GLDC: variants seen among roughly 807,000 people sequenced by gnomAD.
GLDC encodes glycine dehydrogenase (decarboxylating), mitochondrial.
In GLDC, 104 loss-of-function variants were observed where a neutral mutation model predicts 121.3. The observed-to-expected ratio is 0.86, with a 90% confidence interval of 0.73 to 1.01. The LOEUF (loss-of-function observed/expected upper bound fraction) is 1.01, where lower values mean the gene tolerates loss of function less well. GLDC is among the 50% of genes least tolerant of loss of function. GLDC has a pLI of 0.00. For missense variants in GLDC, 1,429 were observed against 1,306.6 expected (o/e 1.09, Z -1.44); for synonymous variants, 546 against 480.6 (o/e 1.14, Z -1.78).
intron 3 of GLDC, 105 bp downstream of exon 3, chr9:6,620,079 G>A (rs1308722324): frequency 4.7e-6 from 5 of 1,060,188 alleles, no homozygotes; most frequent in African/African-American, 4.6e-5. Context: ...GCACTAGGAG[G>A]TGGGTGTCAG....
chr9:6,562,372 T>C (rs1280799433), intron 16 of GLDC, among the ~76,000 whole-genome samples: 1 of 152,106 alleles, frequency 6.6e-6, no homozygotes, highest in Admixed American at 6.5e-5. Flanking sequence ...TAGCACATGA[T>C]TTCCCCACAC....
chr9:6,603,947 C>A (rs914616910), intron 7 of GLDC, among the ~76,000 whole-genome samples: 1 of 152,098 alleles, frequency 6.6e-6, no homozygotes, highest in Non-Finnish European at 1.5e-5. Context: ...CCAGGCTCGT[C>A]TGGGACTCCT....
rs369824891 is a variant in GLDC, at chr9:6,605,161, C to T, written c.831G>A (p.Thr277=). The change falls in exon 6 of 25, where the codon ACG becomes ACA. Residue 277 remains threonine (T), a synonymous_variant. Coordinates refer to ENST00000321612, the MANE Select transcript of GLDC (RefSeq NM_000170.3). ...TCTGATGAGCTCTCTCCACGAGTTC[C>T]GTAAAGTCTTCCACCTTCCCCTCCG... ...PDTEGKVEDF[T]ELVERAHQSG... is the part of the protein sequence containing the mutation. 14 of 1,613,120 alleles carry T rather than the reference C, an allele frequency of 8.7e-6. No homozygotes were observed. The highest frequency in any genetic ancestry group is 6.7e-5 in the African/African-American group (5 of 74,992).
At chr9:6,623,938 A>T (rs1340117272) in intron 2 of GLDC, among the ~76,000 whole-genome samples, 1 of 152,262 alleles carries the variant, frequency 6.6e-6, no homozygotes, top group African/African-American at 2.4e-5. Flanking sequence ...TCCGGCTTCA[A>T]TTATGATCCT....
chr9:6,634,134 C>A (rs1009253896), intron 2 of GLDC, among the ~76,000 whole-genome samples: 1 of 151,848 alleles, frequency 6.6e-6, no homozygotes, highest in Non-Finnish European at 1.5e-5. Flanking sequence ...CCGGCAGAGG[C>A]GGGAGAATCT....
chr9:6,570,790 G>T (rs1460123972), intron 15 of GLDC, among the ~76,000 whole-genome samples: 2 of 145,302 alleles, frequency 1.4e-5, no homozygotes, highest in East Asian at 4.0e-4. Flanking sequence ...GCAGGTGGAG[G>T]TTCCAGTGAG....
chr9:6,547,981 T>C (rs1009142517), intron 21 of GLDC, among the ~76,000 whole-genome samples: 6 of 152,000 alleles, frequency 3.9e-5, no homozygotes, highest in Admixed American at 1.3e-4. Flanking sequence ...AATATATATA[T>C]AAATAAATTA....
At chr9:6,637,194 C>T (rs1409576271) in intron 2 of GLDC, among the ~76,000 whole-genome samples, 2 of 152,040 alleles carry the variant, frequency 1.3e-5, no homozygotes, top group East Asian at 3.9e-4. Flanking sequence ...CACTTGAGGT[C>T]AGGAGTTCGA....
At chr9:6,560,337 G>A (rs1446348663) in intron 16 of GLDC, among the ~76,000 whole-genome samples, 1 of 152,148 alleles carries the variant, frequency 6.6e-6, no homozygotes, top group African/African-American at 2.4e-5. Context: ...AAAAATAAAC[G>A]TGTACAAAAA....
intron 2 of GLDC, among the ~76,000 whole-genome samples, chr9:6,634,582 C>G (rs1819462384): frequency 6.6e-6 from 1 of 152,056 alleles, no homozygotes; most frequent in South Asian, 2.1e-4. Context: ...CGCCATGCTT[C>G]TCCTGGGCTG....
At position 6,645,643 on chromosome 9, in the gene GLDC, C is replaced by G. The variant is rs1422053430; in HGVS notation, c.-144G>C. The G allele has an allele frequency of 2.1e-6, 1 of 485,194 alleles. No homozygotes were observed. Among genetic ancestry groups the G allele is most frequent in the East Asian group, 5.0e-5 (1 of 19,960 alleles). The allele number at this position is 485,194 out of a possible 1,614,324, so 30.1% of individuals were successfully genotyped here. ...AGTCGGCCGGACAGATGGATGGACG[C>G]TCGCGGGCAATGAATGGGCGCTGCG... is the stretch of plus-strand genomic sequence containing the variant. On this transcript the variant is annotated 5_prime_UTR_variant, in exon 1 of 25. Coordinates refer to ENST00000321612, the MANE Select transcript of GLDC (RefSeq NM_000170.3).
intron 14 of GLDC, 74 bp from the exon 15 acceptor site, chr9:6,587,357 G>C: frequency 8.8e-7 from 1 of 1,138,508 alleles, no homozygotes; most frequent in Non-Finnish European, 1.3e-6. Flanking sequence ...TAATAATAAT[G>C]ACGATGATGA....
chr9:6,599,357 C>T (rs1438322254), intron 8 of GLDC, among the ~76,000 whole-genome samples: 1 of 151,914 alleles, frequency 6.6e-6, no homozygotes, highest in Non-Finnish European at 1.5e-5. Context: ...GTCAGCTGCA[C>T]CGAAAGGGAA....
intron 2 of GLDC, among the ~76,000 whole-genome samples, chr9:6,629,958 T>TATATATATATATGTGTA: frequency 7.6e-5 from 6 of 78,668 alleles, no homozygotes; most frequent in Non-Finnish European, 1.2e-4. Flanking sequence ...TATATATATA[T>TATATATATATATGTGTA]TTTTTTTTTT....
chr9:6,600,044 C>T (rs6477096), intron 8 of GLDC, among the ~76,000 whole-genome samples: 3,550 of 152,180 alleles, frequency 0.023, 133 homozygotes, highest in African/African-American at 0.081. Flanking sequence ...GCACCTGTGA[C>T]ATCTCTCTCT....
chr9:6,627,709 T>C (rs573938751), intron 2 of GLDC, among the ~76,000 whole-genome samples: 2 of 152,334 alleles, frequency 1.3e-5, no homozygotes, highest in South Asian at 2.1e-4. Flanking sequence ...ACTTCCCAGC[T>C]AGAAGCCAAG....
rs1817029845 is a variant in GLDC, at chr9:6,532,863, A to G, written c.*154T>C. The G allele has an allele frequency of 2.8e-6, 2 of 718,196 alleles. No homozygotes were observed. The highest frequency in any genetic ancestry group is 1.7e-5 in the African/African-American group (1 of 57,486). The allele number at this position is 718,196 out of a possible 1,614,324, so 44.5% of individuals were successfully genotyped here. A position where few individuals can be genotyped will look rare whatever the true frequency, so the allele number is the denominator to read the frequency against. On this transcript the variant is annotated 3_prime_UTR_variant, in exon 25 of 25. Coordinates refer to ENST00000321612, the MANE Select transcript of GLDC (RefSeq NM_000170.3). ...CCATCAGCTTCGACTCCCTCCAGCT[A>G]CTGTATTTACATTTACCTTGACAGA...
chr9:6,614,078 C>G (rs541317567), intron 3 of GLDC, among the ~76,000 whole-genome samples: 1 of 152,082 alleles, frequency 6.6e-6, no homozygotes, highest in South Asian at 2.1e-4. Context: ...GTAATTATCA[C>G]GCCCACCCTG....
chr9:6,636,127 A>AC lies in GLDC; in HGVS notation c.334+8486dup, dbSNP rs1247024669. On this transcript the variant is annotated intron_variant, in intron 2 of 24. Transcript: ENST00000321612. ...AGACCAGCCTGGCTAACATGGTGAA[A>AC]CCCCCGTCTCTACTAAAGATACAAA... is the stretch of plus-strand genomic sequence containing the variant. Among the ~76,000 whole-genome samples the AC allele has an allele frequency of 4.0e-5, 6 of 151,812 alleles. No homozygotes were observed. The East Asian group carries it at 9.7e-4, about 25-fold the overall frequency.
Sources: gnomAD v4.1 joint callset for allele counts (sites outside exome capture counted in the v4.1 genomes callset) on GRCh38, gnomAD v4.1.1 for gene constraint, MANE v1.5 for transcripts, NCBI Gene and HGNC (gene_info 2026-07-23, HGNC 2026-07-21) for gene names.